SYCE1L: variants seen among roughly 807,000 people sequenced by gnomAD.
SYCE1L encodes the protein synaptonemal complex central element protein 1-like.
A neutral mutation model predicts 39.6 loss-of-function variants in SYCE1L; 51 were observed. The ratio of observed to expected loss-of-function variants is 1.29; its 90% CI spans 1.03 to 1.63. SYCE1L has a LOEUF of 1.63. Ranked by LOEUF, SYCE1L falls within the 40% of genes most tolerant of loss-of-function variation. The pLI is 0.00. For synonymous variants in SYCE1L, 147 were observed against 122.4 expected, an observed-to-expected ratio of 1.20 and a Z score of -1.33; for missense variants, 426 against 304.9, an observed-to-expected ratio of 1.40 and a Z score of -2.96.
chr16:77,200,291 T>TATATATATATATATATATATACACAC lies in SYCE1L; in HGVS notation c.61+780_61+781insTATATATATATATATATATACACACA. On this transcript the variant is annotated intron_variant, in intron 1 of 10. Transcript: ENST00000378644. Reference sequence around the variant, plus strand: ...ATATATGTGTATATATATATATATATACACACACTAATCAGCCGGGCGCGG... The same window carrying TATATATATATATATATATATACACAC: ...ATATATGTGTATATATATATATATATATATATATATATATATATATACACACACACACACTAATCAGCCGGGCGCGG... The TATATATATATATATATATATACACAC allele has an allele frequency of 1.3e-4, 14 of 111,434 alleles. 1 individual carries two copies. The highest frequency in any genetic ancestry group is 4.0e-4 in the African/African-American group (12 of 29,776). The allele number at this position is 111,434 out of a possible 1,614,324, so 6.9% of individuals were successfully genotyped here. A position where few individuals can be genotyped will look rare whatever the true frequency, so the allele number is the denominator to read the frequency against.
chr16:77,206,546 C>A, intron 2 of SYCE1L, 46 bp downstream of exon 2: 1 of 1,539,982 alleles, frequency 6.5e-7, no homozygotes, highest in South Asian at 1.2e-5. Context: ...GGTTTCAAGT[C>A]AGAAAGACAT....
chr16:77,211,295 C>G lies in SYCE1L; in HGVS notation c.423+19C>G. Reference sequence around the variant, plus strand: ...ATTCCACGTGAGCCATTATCATTGCCTGCAACCAAAGCCACTCCTCCCTGG... The same window carrying G: ...ATTCCACGTGAGCCATTATCATTGCGTGCAACCAAAGCCACTCCTCCCTGG... On this transcript the variant is annotated intron_variant, in intron 7 of 10. Coordinates refer to ENST00000378644, the MANE Select transcript of SYCE1L (RefSeq NM_001129979.3). 3 of 1,551,892 alleles carry G rather than the reference C, an allele frequency of 1.9e-6. No individual in the cohort carries two copies. In the East Asian group the frequency reaches 7.3e-5, roughly 38 times the overall value.
rs1168350180 is a variant in SYCE1L at position 77,206,516 on chromosome 16, G to C, written c.121+16G>C. Reference sequence around the variant, plus strand: ...CTGCAGAAAGGTCATGTGTCTCTTTGTTTCTGAGCCTCAGCCTGGGGTTTC... The same window carrying C: ...CTGCAGAAAGGTCATGTGTCTCTTTCTTTCTGAGCCTCAGCCTGGGGTTTC... On this transcript the variant is annotated intron_variant, in intron 2 of 10. Coordinates refer to ENST00000378644, the MANE Select transcript of SYCE1L (RefSeq NM_001129979.3). 5 of 1,551,502 alleles carry C rather than the reference G, an allele frequency of 3.2e-6. No individual in the cohort carries two copies. Among genetic ancestry groups the C allele is most frequent in the African/African-American group, 1.4e-5 (1 of 73,032 alleles).
At chr16:77,212,469 CTGTGCCTCCCTCGGCGTCGTCGGG>C (rs1373458227) in intron 9 of SYCE1L, 81 bp from the exon 10 acceptor site, 25 of 1,539,606 alleles carry the variant, frequency 1.6e-5, no homozygotes, top group Non-Finnish European at 2.2e-5. Context: ...CTTCCCCGGC[CTGTGCCTCCCTCGGCGTCGTCGGG>C]TCTCCGCGTC....
chr16:77,211,611 A>C (rs1567427889), intron 7 of SYCE1L, among the ~76,000 whole-genome samples: 1 of 152,078 alleles, frequency 6.6e-6, no homozygotes, highest in Non-Finnish European at 1.5e-5. Flanking sequence ...CATTTAGCTA[A>C]TGTCAGTGGT....
intron 1 of SYCE1L, chr16:77,201,640 G>C (rs570598123): frequency 6.6e-6 from 1 of 152,110 alleles, no homozygotes; most frequent in Non-Finnish European, 1.5e-5. Context: ...GTATGGACCA[G>C]GAATGGTCAC....
intron 6 of SYCE1L, among the ~76,000 whole-genome samples, chr16:77,210,185 A>T (rs1313358957): frequency 6.6e-6 from 1 of 152,138 alleles, no homozygotes; most frequent in African/African-American, 2.4e-5. Context: ...GATTACAGGC[A>T]TGTGCCACCA....
rs1350814726 is a variant in SYCE1L, at chr16:77,206,440, G to A, written c.62-1G>A. On this transcript the variant is annotated splice_acceptor_variant, in intron 1 of 10. Coordinates refer to ENST00000378644, the MANE Select transcript of SYCE1L (RefSeq NM_001129979.3). LOFTEE classifies it high-confidence loss of function. Reference sequence around the variant, plus strand: ...TGTAATTTTGATTTTCCTTTCTACAGGGCAAGCCAAGTCTTTGAAGACTGA... The same window carrying A: ...TGTAATTTTGATTTTCCTTTCTACAAGGCAAGCCAAGTCTTTGAAGACTGA... 1 of 1,551,322 alleles carries A rather than the reference G, an allele frequency of 6.4e-7. No homozygotes were observed. Among genetic ancestry groups the A allele is most frequent in the East Asian group, 2.4e-5 (1 of 40,902 alleles).
intron 1 of SYCE1L, chr16:77,199,743 T>C (rs2054710377): frequency 2.2e-6 from 1 of 456,624 alleles, no homozygotes; most frequent in Non-Finnish European, 3.9e-6. Flanking sequence ...GTGTATACGT[T>C]GTTGAAAGTA....
chr16:77,212,408 G>C, intron 9 of SYCE1L, 39 bp downstream of exon 9: 2 of 1,530,126 alleles, frequency 1.3e-6, no homozygotes, highest in Non-Finnish European at 1.8e-6. Context: ...GAGGGCAGGG[G>C]CAGGGCGGAG....
At position 77,199,460 on chromosome 16, in the gene SYCE1L, G is replaced by A. The variant is rs1345859108; in HGVS notation, c.9G>A (p.Gly3=). ...AGGCCCCGCGTTGGAAAATGGCGGG[G>A]AAGCTGAAACCTCTGAATGTGGAGG... MA[G]KLKPLNVEAP... is the part of the protein sequence containing the mutation. The change falls in exon 1 of 11, where the codon GGG becomes GGA. Residue 3 remains glycine, a synonymous_variant. Transcript: ENST00000378644. 1.3e-6 allele frequency: 2 copies of A among 1,551,448 alleles called. No individual in the cohort carries two copies. Among genetic ancestry groups the A allele is most frequent in the Admixed American group, 2.0e-5 (1 of 50,996 alleles).
At chr16:77,200,234 A>ATATATATGTATATGTG (rs2054718469) in intron 1 of SYCE1L, 2 of 87,830 alleles carry the variant, frequency 2.3e-5, no homozygotes, top group African/African-American at 1.1e-4. Flanking sequence ...ATGTGTGTGT[A>ATATATATGTATATGTG]TATATATATA....
intron 1 of SYCE1L, chr16:77,199,814 A>G (rs944957128): frequency 7.2e-6 from 2 of 277,456 alleles, no homozygotes; most frequent in Non-Finnish European, 1.3e-5. Flanking sequence ...GGATGTTCTC[A>G]TAACAATCAC....
chr16:77,212,010 A>C (rs2142521427), intron 7 of SYCE1L, 120 bp from the exon 8 acceptor site: 1 of 1,122,034 alleles, frequency 8.9e-7, no homozygotes, highest in Non-Finnish European at 1.3e-6. Context: ...GTTAATAAAT[A>C]GTTGAATGAA....
intron 1 of SYCE1L, chr16:77,200,941 C>G (rs142047885): frequency 2.2e-4 from 34 of 152,268 alleles, no homozygotes; most frequent in African/African-American, 7.9e-4. Context: ...CCACTTTTAT[C>G]TATCTCGAAC....
Position 77,204,048 on chromosome 16 carries a change from A to G in SYCE1L, c.62-2393A>G, listed in dbSNP as rs543636654. ...TATTCATCAGAAAGTTTGAAATGAAACAGTTTTTGCCTGTCCAGTTGGCAA... is the reference window on the plus strand; with the variant it reads ...TATTCATCAGAAAGTTTGAAATGAAGCAGTTTTTGCCTGTCCAGTTGGCAA... On this transcript the variant is annotated intron_variant, in intron 1 of 10. Transcript: ENST00000378644. Among the ~76,000 whole-genome samples the G allele has an allele frequency of 2.6e-5, 4 of 152,156 alleles. No individual in the cohort carries two copies. In the East Asian group the frequency reaches 7.7e-4, roughly 29 times the overall value.
chr16:77,212,289 G>A lies in SYCE1L; in HGVS notation c.501G>A (p.Leu167=). ...SKEQLLSERR[L]VRAKLREVER... ...ACGCCCGCCCACCGACAGGGAGGCT[G>A]GTGCGCGCCAAGCTGCGGGAGGTGG... The change falls in exon 9 of 11, where the codon CTG becomes CTA. Residue 167 remains leucine, a synonymous_variant. Coordinates refer to ENST00000378644, the MANE Select transcript of SYCE1L (RefSeq NM_001129979.3). The A allele has an allele frequency of 1.3e-6, 2 of 1,522,714 alleles. No homozygotes were observed. Among genetic ancestry groups the A allele is most frequent in the African/African-American group, 1.4e-5 (1 of 71,606 alleles). 94.3% of individuals were successfully genotyped at this position (1,522,714 alleles called of 1,614,324 possible).
At chr16:77,202,113 G>C (rs1044695811) in intron 1 of SYCE1L, 1 of 152,166 alleles carries the variant, frequency 6.6e-6, no homozygotes, top group Non-Finnish European at 1.5e-5. Context: ...TAAAGGAGAA[G>C]AGGCAAAATG....
chr16:77,207,817 C>T (rs1053047962), intron 2 of SYCE1L, among the ~76,000 whole-genome samples: 2 of 152,164 alleles, frequency 1.3e-5, no homozygotes, highest in African/African-American at 2.4e-5. Context: ...TGCACTTGTT[C>T]CCTCTGCCTT....
Sources: gnomAD v4.1 joint callset for allele counts (sites outside exome capture counted in the v4.1 genomes callset) on GRCh38, gnomAD v4.1.1 for gene constraint, MANE v1.5 for transcripts, NCBI Gene and HGNC (gene_info 2026-07-23, HGNC 2026-07-21) for gene names.